Variants in MTA3 observed in about 807,000 individuals in gnomAD.
MTA3 encodes metastasis-associated protein MTA3.
A neutral mutation model predicts 83.5 loss-of-function variants in MTA3; 34 were observed. That is an observed-to-expected ratio of 0.41 (90% CI 0.31 to 0.54). The LOEUF is 0.54. Among genes scored for constraint, MTA3 ranks in the 20% least tolerant of loss-of-function variants. The pLI is 0.33. For missense variants in MTA3, 761 were observed against 726.4 expected (o/e 1.05, Z -0.55); for synonymous variants, 303 against 252.7 (o/e 1.20, Z -1.89).
intron 3 of MTA3, among the ~76,000 whole-genome samples, chr2:42,587,217 A>T (rs1290512167): frequency 6.6e-6 from 1 of 151,726 alleles, no homozygotes; most frequent in Non-Finnish European, 1.5e-5. Flanking sequence ...AATAAAAAAT[A>T]AAACGTTAGT....
At chr2:42,659,974 G>C (rs1021137747) in intron 8 of MTA3, 112 bp downstream of exon 8, 3 of 616,136 alleles carry the variant, frequency 4.9e-6, no homozygotes, top group Non-Finnish European at 7.7e-6. Context: ...TAGCCTTCCT[G>C]ACTGCTAGGT....
chr2:42,609,675 A>G (rs188244446), intron 4 of MTA3, 91 bp downstream of exon 4: 189 of 1,407,802 alleles, frequency 1.3e-4, no homozygotes, highest in Middle Eastern at 5.6e-4. Flanking sequence ...TCTTCTCAGG[A>G]TCTTGCTTAA....
chr2:42,601,696 T>C lies in MTA3; in HGVS notation c.191-7762T>C, dbSNP rs181908639. On this transcript the variant is annotated intron_variant, in intron 3 of 16. Coordinates refer to ENST00000405094, the MANE Select transcript of MTA3 (RefSeq NM_001330442.2). ...CGCCACGAAGCCCACCTAATTTTTTTTGAGACAGAGTCTTGCAGTGCTGCC... is the reference window on the plus strand; with the variant it reads ...CGCCACGAAGCCCACCTAATTTTTTCTGAGACAGAGTCTTGCAGTGCTGCC... Among the ~76,000 whole-genome samples, 764 of 152,142 alleles carry C rather than the reference T, an allele frequency of 5.0e-3. 16 individuals carry two copies. The highest frequency in any genetic ancestry group is 0.042 in the Admixed American group (638 of 15,266).
intron 5 of MTA3, among the ~76,000 whole-genome samples, chr2:42,643,016 C>T (rs4953528): frequency 0.77 from 112,257 of 145,518 alleles, 43,952 homozygotes; most frequent in African/African-American, 0.89. Context: ...TATGCATAAA[C>T]TGTCACATAT....
chr2:42,650,932 G>A (rs1243098725), intron 6 of MTA3, among the ~76,000 whole-genome samples: 1 of 152,132 alleles, frequency 6.6e-6, no homozygotes, highest in Non-Finnish European at 1.5e-5. Flanking sequence ...TCTGATAAAT[G>A]TGTCCTTAGG....
chr2:42,575,856 C>G (rs1678979100), intron 2 of MTA3, among the ~76,000 whole-genome samples: 1 of 152,082 alleles, frequency 6.6e-6, no homozygotes, highest in East Asian at 1.9e-4. Flanking sequence ...CTGAAATGCC[C>G]CCCTCATCCA....
chr2:42,556,446 A>G (rs1185462930), intron 2 of MTA3, among the ~76,000 whole-genome samples: 1 of 152,172 alleles, frequency 6.6e-6, no homozygotes, highest in Admixed American at 6.5e-5. Flanking sequence ...TCCTGTTTAA[A>G]TATTTAGTTT....
chr2:42,740,731 G>A (rs10166236), intron 16 of MTA3, among the ~76,000 whole-genome samples: 14,192 of 152,230 alleles, frequency 0.093, 875 homozygotes, highest in Middle Eastern at 0.19. Context: ...AAGATATTCC[G>A]TAAACCATGC....
At chr2:42,519,582 G>A (rs1253910493) in intron 2 of MTA3, among the ~76,000 whole-genome samples, 1 of 150,994 alleles carries the variant, frequency 6.6e-6, no homozygotes, top group East Asian at 1.9e-4. Flanking sequence ...CTCCAGCCTG[G>A]GTGACAGAGT....
At chr2:42,674,623 G>T (rs1176172626) in intron 8 of MTA3, among the ~76,000 whole-genome samples, 1 of 137,430 alleles carries the variant, frequency 7.3e-6, no homozygotes. Context: ...TTTTTGAGAC[G>T]GAGTCTCACT....
In MTA3 at chr2:42,640,173, G is replaced by T; in HGVS notation, c.318G>T (p.Arg106Ser). ...QYESLPATHI[R>S]GKCSVALLNE... ...TTATTCTTTTTTTCTTTTTCAACAGGGGAAAGTGCAGTGTTGCCCTTCTGA... is the reference window on the plus strand; with the variant it reads ...TTATTCTTTTTTTCTTTTTCAACAGTGGAAAGTGCAGTGTTGCCCTTCTGA... The change falls in exon 5 of 17, where the codon AGG becomes AGT. Residue 106 changes from arginine to serine, a missense_variant and splice_region_variant. Coordinates refer to ENST00000405094, the MANE Select transcript of MTA3 (RefSeq NM_001330442.2). 2 of 1,601,796 alleles carry T rather than the reference G, an allele frequency of 1.2e-6. No homozygotes were observed. The highest frequency in any genetic ancestry group is 1.7e-6 in the Non-Finnish European group (2 of 1,175,036).
At chr2:42,544,667 G>A (rs1215495691) in intron 2 of MTA3, among the ~76,000 whole-genome samples, 2 of 151,408 alleles carry the variant, frequency 1.3e-5, no homozygotes, top group African/African-American at 4.9e-5. Context: ...GATTACAGTC[G>A]TGAGCCACTT....
intron 14 of MTA3, among the ~76,000 whole-genome samples, chr2:42,715,809 C>G (rs903741928): frequency 6.6e-6 from 1 of 152,082 alleles, no homozygotes; most frequent in Admixed American, 6.6e-5. Context: ...TTTGGGTCAT[C>G]TAGACTGGAA....
At chr2:42,550,842 G>T (rs1677073826) in intron 2 of MTA3, among the ~76,000 whole-genome samples, 1 of 152,034 alleles carries the variant, frequency 6.6e-6, no homozygotes, top group Admixed American at 6.6e-5. Flanking sequence ...AGGAGTTCAA[G>T]ACCAGCCTGG....
intron 2 of MTA3, among the ~76,000 whole-genome samples, chr2:42,531,491 C>A (rs528147847): frequency 8.7e-6 from 1 of 115,392 alleles, no homozygotes; most frequent in Non-Finnish European, 1.6e-5. Context: ...CTTGCTCTAT[C>A]GCCCAGGCTA....
chr2:42,647,000 C>G (rs1688256412), intron 6 of MTA3, among the ~76,000 whole-genome samples: 1 of 150,766 alleles, frequency 6.6e-6, no homozygotes, highest in Non-Finnish European at 1.5e-5. Context: ...ACTAAAAATA[C>G]AAAAAATTAG....
intron 2 of MTA3, among the ~76,000 whole-genome samples, chr2:42,535,027 T>C (rs1445692962): frequency 3.3e-5 from 5 of 152,044 alleles, no homozygotes; most frequent in African/African-American, 1.2e-4. Flanking sequence ...AATGGAGCTG[T>C]CATTGGCTTG....
chr2:42,756,170 C>A lies in MTA3; in HGVS notation c.*2771C>A. 1 of 345,142 alleles carries A rather than the reference C, an allele frequency of 2.9e-6. No individual in the cohort carries two copies. Among genetic ancestry groups the A allele is most frequent in the Non-Finnish European group, 4.1e-6 (1 of 244,444 alleles). 21.4% of individuals were successfully genotyped at this position (345,142 alleles called of 1,614,324 possible). A position where few individuals can be genotyped will look rare whatever the true frequency, so the allele number is the denominator to read the frequency against. The stretch of plus-strand genomic sequence containing the variant: ...CGCCCCCATCCTGAGACTGGCTGGG[C>A]ACCAGGGGAGGACGCGTCACCAGAG... On this transcript the variant is annotated 3_prime_UTR_variant, in exon 17 of 17. Coordinates refer to ENST00000405094, the MANE Select transcript of MTA3 (RefSeq NM_001330442.2).
At chr2:42,537,731 G>A (rs1202923679) in intron 2 of MTA3, among the ~76,000 whole-genome samples, 2 of 152,040 alleles carry the variant, frequency 1.3e-5, no homozygotes, top group Non-Finnish European at 2.9e-5. Flanking sequence ...CACCTATCAG[G>A]GACATTATTC....
Sources: allele counts gnomAD v4.1 joint callset (sites outside exome capture counted in the v4.1 genomes callset), GRCh38; gene constraint gnomAD v4.1.1; transcripts MANE v1.5; gene names NCBI Gene and HGNC (gene_info 2026-07-23, HGNC 2026-07-21).